Variants in ADAMTSL1 observed in about 807,000 individuals in gnomAD.
ADAMTSL1 encodes the protein ADAMTS-like protein 1.
In ADAMTSL1, 126 loss-of-function variants were observed where a neutral mutation model predicts 201.8. That is an observed-to-expected ratio of 0.62 (90% CI 0.54 to 0.72). The LOEUF (loss-of-function observed/expected upper bound fraction) is 0.72. Ranked by LOEUF, ADAMTSL1 falls within the 30% of genes least tolerant of loss-of-function variation. The pLI, the probability that ADAMTSL1 is intolerant of heterozygous loss-of-function variation, is 0.00. For synonymous variants in ADAMTSL1, 1,121 were observed against 903.4 expected (o/e 1.24, Z -4.32); for missense variants, 2,679 against 2,277.8 (o/e 1.18, Z -3.59).
chr9:18,160,074 A>G (rs72701514), intron 1 of ADAMTSL1, among the ~76,000 whole-genome samples: 5,374 of 152,142 alleles, frequency 0.035, 132 homozygotes, highest in Non-Finnish European at 0.057. Flanking sequence ...TTCTACAACA[A>G]CAGATTTCTT....
chr9:18,228,717 AG>A (rs1397351355), intron 2 of ADAMTSL1, among the ~76,000 whole-genome samples: 2 of 152,138 alleles, frequency 1.3e-5, no homozygotes, highest in Admixed American at 6.6e-5. Context: ...ACACTATGTC[AG>A]GGGATTTTCT....
intron 23 of ADAMTSL1, among the ~76,000 whole-genome samples, chr9:18,838,510 G>A (rs906498896): frequency 6.6e-6 from 1 of 150,722 alleles, no homozygotes; most frequent in Non-Finnish European, 1.5e-5. Flanking sequence ...GGTGGCTCCA[G>A]TTTAAAAATA....
In ADAMTSL1 at chr9:18,657,496, C is replaced by T. The variant is rs111522823; in HGVS notation, c.835-143C>T. 1.6e-4 allele frequency: 98 copies of T among 610,514 alleles called. 1 individual carries two copies. Among genetic ancestry groups the T allele is most frequent in the African/African-American group, 1.5e-3 (81 of 54,442 alleles). 37.8% of individuals were successfully genotyped at this position (610,514 alleles called of 1,614,324 possible). A position where few individuals can be genotyped will look rare whatever the true frequency, so the allele number is the denominator to read the frequency against. ...TGGTAAAATGGTAGGATACATGATA[C>T]TGCCATTGCCACTTCTCCCGCAGTG... On this transcript the variant is annotated intron_variant, in intron 7 of 28. Transcript: ENST00000380548.
chr9:17,912,407 G>GCA (rs1447243680), intron 1 of ADAMTSL1, among the ~76,000 whole-genome samples: 23,319 of 40,356 alleles, frequency 0.58, 9,376 homozygotes, highest in East Asian at 0.89. Context: ...ATCTCATAGT[G>GCA]GTTTTGATTT....
intron 20 of ADAMTSL1, among the ~76,000 whole-genome samples, chr9:18,811,112 A>G (rs1426510557): frequency 6.6e-6 from 1 of 151,410 alleles, no homozygotes; most frequent in Non-Finnish European, 1.5e-5. Context: ...GAAAACCTTT[A>G]GAAAATTCTA....
intron 1 of ADAMTSL1, among the ~76,000 whole-genome samples, chr9:18,475,241 G>A (rs1326032248): frequency 2.0e-5 from 3 of 152,182 alleles, no homozygotes; most frequent in Non-Finnish European, 4.4e-5. Flanking sequence ...TTCCTCAGAA[G>A]GTAACAAGGC....
chr9:18,027,804 G>A (rs1820766568), intron 1 of ADAMTSL1, among the ~76,000 whole-genome samples: 1 of 152,028 alleles, frequency 6.6e-6, no homozygotes. Flanking sequence ...ATCTAATGCT[G>A]TCAGGTGGCT....
chr9:18,365,958 G>C (rs947366190), intron 2 of ADAMTSL1, among the ~76,000 whole-genome samples: 2 of 152,154 alleles, frequency 1.3e-5, no homozygotes, highest in African/African-American at 2.4e-5. Flanking sequence ...GATGATTTGA[G>C]ATGGAACAGT....
At chr9:18,711,138 A>G (rs1832561450) in intron 14 of ADAMTSL1, among the ~76,000 whole-genome samples, 1 of 152,238 alleles carries the variant, frequency 6.6e-6, no homozygotes, top group African/African-American at 2.4e-5. Context: ...ATTGTTTGAA[A>G]ATATACATTT....
chr9:18,190,638 A>G (rs1828933271), intron 2 of ADAMTSL1, among the ~76,000 whole-genome samples: 1 of 152,246 alleles, frequency 6.6e-6, no homozygotes. Context: ...AACCCATTAA[A>G]TAAATCCTGC....
At chr9:18,801,152 A>G (rs1044573092) in intron 20 of ADAMTSL1, among the ~76,000 whole-genome samples, 4 of 152,202 alleles carry the variant, frequency 2.6e-5, no homozygotes, top group Admixed American at 2.6e-4. Context: ...CAGAATTTCA[A>G]GGGCACAAAA....
chr9:18,356,884 A>C (rs902781584), intron 2 of ADAMTSL1, among the ~76,000 whole-genome samples: 1 of 152,222 alleles, frequency 6.6e-6, no homozygotes, highest in Non-Finnish European at 1.5e-5. Context: ...ACACACATGT[A>C]GACATCTGTG....
intron 2 of ADAMTSL1, among the ~76,000 whole-genome samples, chr9:18,361,525 C>T (rs138260531): frequency 5.3e-5 from 8 of 152,248 alleles, no homozygotes; most frequent in African/African-American, 1.9e-4. Context: ...TGACTTTGAA[C>T]TTAATGATGT....
intron 23 of ADAMTSL1, among the ~76,000 whole-genome samples, chr9:18,885,320 C>G (rs1588305680): frequency 1.3e-5 from 2 of 152,316 alleles, no homozygotes; most frequent in East Asian, 3.9e-4. Flanking sequence ...CCCTCATGGC[C>G]TGATCACCTC....
At chr9:18,487,291 T>G (rs1242286898) in intron 1 of ADAMTSL1, among the ~76,000 whole-genome samples, 1 of 152,246 alleles carries the variant, frequency 6.6e-6, no homozygotes, top group Non-Finnish European at 1.5e-5. Flanking sequence ...GAATTTATTT[T>G]CCTAATTATA....
At chr9:18,643,246 CTTTG>C (rs987523670) in intron 7 of ADAMTSL1, among the ~76,000 whole-genome samples, 2 of 151,862 alleles carry the variant, frequency 1.3e-5, no homozygotes, top group African/African-American at 2.4e-5. Flanking sequence ...TATTCAGATC[CTTTG>C]TTTATTTTTC....
chr9:18,807,214 T>C (rs1823189652), intron 20 of ADAMTSL1, among the ~76,000 whole-genome samples: 1 of 152,260 alleles, frequency 6.6e-6, no homozygotes, highest in African/African-American at 2.4e-5. Context: ...CTTCTGTTTG[T>C]ATGGCTCTCA....
At chr9:18,339,282 A>G (rs1835371025) in intron 2 of ADAMTSL1, among the ~76,000 whole-genome samples, 1 of 152,166 alleles carries the variant, frequency 6.6e-6, no homozygotes, top group South Asian at 2.1e-4. Flanking sequence ...CCCCATTAAA[A>G]AGTAGGCAAA....
intron 2 of ADAMTSL1, among the ~76,000 whole-genome samples, chr9:18,188,869 G>A (rs1828851605): frequency 1.3e-5 from 2 of 152,152 alleles, no homozygotes; most frequent in Admixed American, 1.3e-4. Flanking sequence ...AGGGCTGTTG[G>A]CATCGTTTTT....
Sources: allele counts gnomAD v4.1 joint callset (sites outside exome capture counted in the v4.1 genomes callset), GRCh38; gene constraint gnomAD v4.1.1; transcripts MANE v1.5; gene names NCBI Gene and HGNC (gene_info 2026-07-23, HGNC 2026-07-21).